Variants in SCYL3 observed in about 807,000 individuals in gnomAD.
SCYL3 encodes the protein protein-associating with the carboxyl-terminal domain of ezrin.
A neutral mutation model predicts 73.8 loss-of-function variants in SCYL3; 35 were observed. The ratio of observed to expected loss-of-function variants is 0.47; its 90% confidence interval spans 0.36 to 0.63. The LOEUF is 0.63. Among genes scored for constraint, SCYL3 ranks in the 20% least tolerant of loss-of-function variants. The pLI is 0.00. For missense variants in SCYL3, 712 were observed against 798.9 expected (o/e 0.89, Z 1.31); for synonymous variants, 277 against 295.2 (o/e 0.94, Z 0.63).
At chr1:169,880,793 ACT>A (rs886670551) in intron 2 of SCYL3, among the ~76,000 whole-genome samples, 14 of 144,030 alleles carry the variant, frequency 9.7e-5, no homozygotes, top group African/African-American at 3.6e-4. Context: ...ACGGGGTCTC[ACT>A]CTATCTCCTA....
chr1:169,854,308 G>C lies in SCYL3; in HGVS notation c.1969C>G (p.Gln657Glu). ...PKKDDVSPVM[Q>E]FSSKFAAAEI... The stretch of plus-strand genomic sequence containing the variant: ...GCTGCAGCAAATTTTGAGGAAAACT[G>C]CATCACTGGGGAGACATCATCCTTT... The change falls in exon 12 of 13, where the codon CAG becomes GAG. Residue 657 changes from glutamine to glutamate, a missense_variant. By Grantham distance (29) the Gln-to-Glu change is conservative. This residue lies in a region of SCYL3 where 370 missense variants were observed against 350.8 expected (regional missense o/e 1.05). Transcript: ENST00000367771. 2 of 1,609,252 alleles carry C rather than the reference G, an allele frequency of 1.2e-6. No individual in the cohort carries two copies. Among genetic ancestry groups the C allele is most frequent in the South Asian group, 1.1e-5 (1 of 89,904 alleles).
At chr1:169,891,165 G>C (rs1317860687) in intron 1 of SCYL3, among the ~76,000 whole-genome samples, 1 of 152,228 alleles carries the variant, frequency 6.6e-6, no homozygotes, top group African/African-American at 2.4e-5. Context: ...GCCGAAGGTA[G>C]AAGGATGCTA....
At chr1:169,862,935 T>C in intron 9 of SCYL3, 138 bp from the exon 10 acceptor site, 1 of 794,900 alleles carries the variant, frequency 1.3e-6, no homozygotes, top group Admixed American at 2.7e-5. Context: ...CTTTTTGAGA[T>C]GGAGTCTCAC....
chr1:169,853,125 C>A lies in SCYL3; in HGVS notation c.*588G>T, dbSNP rs1571366860. ...TAATCTTTATTTGACATTTAGAGAA[C>A]AGGATTGTGGGGAATATTCTTATTA... On this transcript the variant is annotated 3_prime_UTR_variant, in exon 13 of 13. Coordinates refer to ENST00000367771, the MANE Select transcript of SCYL3 (RefSeq NM_020423.7). The A allele has an allele frequency of 6.0e-6, 5 of 827,172 alleles. No homozygotes were observed. The highest frequency in any genetic ancestry group is 9.5e-6 in the Non-Finnish European group (5 of 524,748). The allele number at this position is 827,172 out of a possible 1,614,324, so 51.2% of individuals were successfully genotyped here.
chr1:169,878,872 A>G, intron 2 of SCYL3, 53 bp from the exon 3 acceptor site: 3 of 1,475,478 alleles, frequency 2.0e-6, no homozygotes, highest in Non-Finnish European at 2.8e-6. Flanking sequence ...ACCAGATTAT[A>G]GTTTCATATA....
intron 2 of SCYL3, among the ~76,000 whole-genome samples, chr1:169,882,588 A>T (rs1002212695): frequency 2.0e-5 from 3 of 152,180 alleles, no homozygotes; most frequent in Admixed American, 2.0e-4. Flanking sequence ...TCTGGTGGGG[A>T]CGTGGGGAAC....
At chr1:169,858,903 G>A in intron 11 of SCYL3, 138 bp downstream of exon 11, 1 of 723,954 alleles carries the variant, frequency 1.4e-6, no homozygotes, top group Non-Finnish European at 2.1e-6. Flanking sequence ...CCCCCGAGAA[G>A]TTCAGAAAGA....
intron 1 of SCYL3, among the ~76,000 whole-genome samples, chr1:169,893,389 C>A (rs965904951): frequency 1.3e-5 from 2 of 152,064 alleles, no homozygotes; most frequent in Non-Finnish European, 2.9e-5. Flanking sequence ...AGTGACCCGC[C>A]CAGCCGAGCA....
chr1:169,855,968 A>AT, intron 11 of SCYL3: 3 of 1,607,310 alleles, frequency 1.9e-6, no homozygotes, highest in Non-Finnish European at 2.5e-6. Context: ...CTGAAGGTAA[A>AT]TAAAAACTCC....
chr1:169,872,130 C>A (rs568292240), intron 5 of SCYL3, among the ~76,000 whole-genome samples: 30 of 152,354 alleles, frequency 2.0e-4, no homozygotes, highest in Admixed American at 3.3e-4. Flanking sequence ...GGCAGCCCCT[C>A]CCATCACAGG....
chr1:169,875,829 T>C (rs1054219839), intron 4 of SCYL3, 149 bp downstream of exon 4: 3 of 456,334 alleles, frequency 6.6e-6, no homozygotes, highest in Non-Finnish European at 1.2e-5. Flanking sequence ...AACAAAATGC[T>C]ATAATTCTAT....
At chr1:169,854,144 G>T in intron 12 of SCYL3, 126 bp downstream of exon 12, 1 of 713,198 alleles carries the variant, frequency 1.4e-6, no homozygotes, top group Non-Finnish European at 2.2e-6. Flanking sequence ...AACTGATTTT[G>T]TTAATTTTGT....
rs1658452940 is a variant in SCYL3 at position 169,852,198 on chromosome 1, A to C, written c.*1515T>G. ...AGTTACATATTGTACCAGTGATGCT[A>C]TAAATGCAGTCTTTACTGAACCACA... On this transcript the variant is annotated 3_prime_UTR_variant, in exon 13 of 13. Transcript: ENST00000367771. 6.1e-6 allele frequency: 3 copies of C among 492,658 alleles called. No individual in the cohort carries two copies. The highest frequency in any genetic ancestry group is 7.2e-6 in the Non-Finnish European group (2 of 276,234). 30.5% of individuals were successfully genotyped at this position (492,658 alleles called of 1,614,324 possible). A position where few individuals can be genotyped will look rare whatever the true frequency, so the allele number is the denominator to read the frequency against.
chr1:169,860,941 G>A (rs1375368756), intron 10 of SCYL3, among the ~76,000 whole-genome samples: 1 of 152,198 alleles, frequency 6.6e-6, no homozygotes, highest in Non-Finnish European at 1.5e-5. Context: ...TTTAGGGGAA[G>A]CAGTTTCCTA....
intron 3 of SCYL3, among the ~76,000 whole-genome samples, chr1:169,876,958 TAAAAAAAAAAAAAAAAAA>T (rs61051062): frequency 5.2e-5 from 4 of 76,394 alleles, no homozygotes; most frequent in East Asian, 4.5e-4. Context: ...TTGTCTCAAA[TAAAAAAAAAAAAAAAAAA>T]AAAAAAAAAA....
intron 7 of SCYL3, among the ~76,000 whole-genome samples, chr1:169,868,306 T>C (rs1342529084): frequency 1.3e-5 from 2 of 152,164 alleles, no homozygotes; most frequent in South Asian, 2.1e-4. Flanking sequence ...GCTTTGCTAA[T>C]AGAAGTCATG....
In SCYL3 at chr1:169,854,765, G is replaced by GGACTT. The variant is rs1206377389; in HGVS notation, c.1507_1511dup (p.Gln505SerfsTer22). On this transcript the variant is annotated frameshift_variant, in exon 12 of 13. Transcript: ENST00000367771. LOFTEE classifies it high-confidence loss of function. ...CTTCCACATCCAAGGTAGTGCACTG[G>GGACTT]GACTTGACATCATCACAAGGTTCTC... is the stretch of plus-strand genomic sequence containing the variant. 2.5e-6 allele frequency: 4 copies of GGACTT among 1,613,804 alleles called. No individual in the cohort carries two copies. Among genetic ancestry groups the GGACTT allele is most frequent in the Non-Finnish European group, 3.4e-6 (4 of 1,179,938 alleles).
chr1:169,883,101 G>A (rs188686245), intron 2 of SCYL3, among the ~76,000 whole-genome samples: 36 of 152,064 alleles, frequency 2.4e-4, no homozygotes, highest in Non-Finnish European at 3.8e-4. Flanking sequence ...GCGAGACCAC[G>A]AACCCCACCA....
intron 7 of SCYL3, among the ~76,000 whole-genome samples, chr1:169,867,245 C>T (rs1660094334): frequency 6.6e-6 from 1 of 152,194 alleles, no homozygotes; most frequent in African/African-American, 2.4e-5. Context: ...CAGAAAAATC[C>T]TCCAAACTGT....
Sources: gnomAD v4.1 joint callset for allele counts (sites outside exome capture counted in the v4.1 genomes callset) on GRCh38, gnomAD v4.1.1 for gene constraint, gnomAD v4.1.1 regional missense constraint, MANE v1.5 for transcripts, NCBI Gene and HGNC (gene_info 2026-07-23, HGNC 2026-07-21) for gene names.